Variants in SND1 observed in about 807,000 individuals in gnomAD.
SND1 encodes staphylococcal nuclease and tudor domain containing 1, also known as staphylococcal nuclease domain-containing protein 1.
A neutral mutation model predicts 121.7 loss-of-function variants in SND1; 38 were observed. The observed-to-expected ratio is 0.31, with a 90% CI of 0.24 to 0.41. The LOEUF (loss-of-function observed/expected upper bound fraction) is 0.41. SND1 is among the 10% of genes least tolerant of loss of function. The pLI, the probability that SND1 is intolerant of heterozygous loss-of-function variation, is 1.00. For missense variants in SND1, 868 were observed against 1,184.6 expected (o/e 0.73, Z 3.92); for synonymous variants, 401 against 447.4 (o/e 0.90, Z 1.31).
At chr7:127,836,124 G>A (rs1046537089) in intron 11 of SND1, among the ~76,000 whole-genome samples, 16 of 152,092 alleles carry the variant, frequency 1.1e-4, no homozygotes, top group Non-Finnish European at 2.4e-4. Context: ...CTCCATGGAC[G>A]CCATATTCAG....
intron 10 of SND1, among the ~76,000 whole-genome samples, chr7:127,770,983 A>G (rs1402356566): frequency 6.6e-6 from 1 of 152,166 alleles, no homozygotes; most frequent in Non-Finnish European, 1.5e-5. Flanking sequence ...GAGTACACTG[A>G]TATCTCGTTG....
intron 15 of SND1, among the ~76,000 whole-genome samples, chr7:127,987,954 T>C (rs1357737809): frequency 6.6e-6 from 1 of 151,662 alleles, no homozygotes; most frequent in East Asian, 1.9e-4. Context: ...CAAAAGGTAA[T>C]ATCAAGATGG....
At chr7:127,825,375 C>T (rs1228806289) in intron 11 of SND1, among the ~76,000 whole-genome samples, 1 of 150,684 alleles carries the variant, frequency 6.6e-6, no homozygotes, top group Non-Finnish European at 1.5e-5. Flanking sequence ...TCCCAAAGTG[C>T]TGGGGTGACA....
intron 18 of SND1, among the ~76,000 whole-genome samples, chr7:128,082,706 G>A (rs1342606644): frequency 6.6e-6 from 1 of 152,106 alleles, no homozygotes; most frequent in Non-Finnish European, 1.5e-5. Flanking sequence ...GTCTTGTAGT[G>A]GTGGTCTCAG....
chr7:128,082,710 G>T (rs1418789687), intron 18 of SND1, among the ~76,000 whole-genome samples: 1 of 152,136 alleles, frequency 6.6e-6, no homozygotes, highest in Non-Finnish European at 1.5e-5. Flanking sequence ...TGTAGTGGTG[G>T]TCTCAGTGGG....
chr7:127,920,396 G>C (rs1178271151), intron 14 of SND1, among the ~76,000 whole-genome samples: 2 of 152,172 alleles, frequency 1.3e-5, no homozygotes, highest in African/African-American at 4.8e-5. Context: ...AAGCCACCCT[G>C]CAGAGGTCGC....
intron 16 of SND1, among the ~76,000 whole-genome samples, chr7:128,065,843 G>A (rs1167462864): frequency 6.6e-6 from 1 of 152,224 alleles, no homozygotes; most frequent in Non-Finnish European, 1.5e-5. Flanking sequence ...GAGGAGCTGT[G>A]CCATTCAGGC....
chr7:127,915,996 ATGTGTGTGTG>A (rs57570326), intron 14 of SND1, among the ~76,000 whole-genome samples: 5,839 of 149,058 alleles, frequency 0.039, 170 homozygotes, highest in African/African-American at 0.084. Flanking sequence ...AGAACAGCAT[ATGTGTGTGTG>A]TGTGTGTGTG....
chr7:128,013,677 C>T (rs1009240084), intron 16 of SND1, among the ~76,000 whole-genome samples: 2 of 152,324 alleles, frequency 1.3e-5, no homozygotes, highest in South Asian at 2.1e-4. Context: ...AAGGAGCACA[C>T]AACCTAGATC....
chr7:127,803,676 G>A lies in SND1; in HGVS notation c.1153-3808G>A, dbSNP rs549056930. 7.4e-4 allele frequency among the ~76,000 whole-genome samples: 113 copies of A among 152,196 alleles called. 1 individual carries two copies. In the South Asian group the frequency reaches 0.023, roughly 31 times the overall value. Reference sequence around the variant, plus strand: ...TTTAAGAATGGGCTAGGTAAAATTAGGCCTGAATGGGGGTTGAGAATAAGG... The same window carrying A: ...TTTAAGAATGGGCTAGGTAAAATTAAGCCTGAATGGGGGTTGAGAATAAGG... On this transcript the variant is annotated intron_variant, in intron 10 of 23. Transcript: ENST00000354725.
At chr7:128,068,659 T>C (rs1793357721) in intron 16 of SND1, among the ~76,000 whole-genome samples, 1 of 152,102 alleles carries the variant, frequency 6.6e-6, no homozygotes, top group Non-Finnish European at 1.5e-5. Context: ...CCTTCCTCCA[T>C]GTTTGATTTC....
At chr7:127,858,203 T>C (rs1160863542) in intron 12 of SND1, 1 of 784,332 alleles carries the variant, frequency 1.3e-6, no homozygotes, top group Non-Finnish European at 2.3e-6. Flanking sequence ...CATGGCCAAC[T>C]GTTCCCTCGT....
intron 13 of SND1, among the ~76,000 whole-genome samples, chr7:127,889,710 C>G (rs542137955): frequency 3.0e-4 from 45 of 152,050 alleles, no homozygotes; most frequent in African/African-American, 9.9e-4. Flanking sequence ...CCTCTCTACT[C>G]TGTGTTTCCA....
intron 11 of SND1, among the ~76,000 whole-genome samples, chr7:127,820,700 C>G (rs1798532927): frequency 6.6e-6 from 1 of 152,006 alleles, no homozygotes; most frequent in Admixed American, 6.6e-5. Flanking sequence ...TCCTTTTTCC[C>G]CCTTTCCTTC....
intron 15 of SND1, among the ~76,000 whole-genome samples, chr7:127,986,931 T>C (rs1193789596): frequency 6.6e-6 from 1 of 152,264 alleles, no homozygotes; most frequent in African/African-American, 2.4e-5. Flanking sequence ...TTTGTGTTTA[T>C]TAAAACAAAA....
chr7:127,847,097 G>C (rs1054051066), intron 12 of SND1, among the ~76,000 whole-genome samples: 1 of 151,900 alleles, frequency 6.6e-6, no homozygotes, highest in Non-Finnish European at 1.5e-5. Flanking sequence ...GTGAAACCTC[G>C]TCTCTACTAA....
chr7:128,028,963 C>T, intron 16 of SND1: 1 of 1,608,608 alleles, frequency 6.2e-7, no homozygotes, highest in Non-Finnish European at 8.5e-7. Context: ...GCGGCTGTGA[C>T]TGTACTCCGC....
chr7:128,075,748 A>C (rs1328198366), intron 17 of SND1, among the ~76,000 whole-genome samples: 6 of 152,218 alleles, frequency 3.9e-5, no homozygotes, highest in African/African-American at 1.4e-4. Context: ...AGTGCCCTGC[A>C]GGAGGCAGCC....
At chr7:127,697,312 G>A (rs1796021509) in intron 3 of SND1, among the ~76,000 whole-genome samples, 1 of 151,902 alleles carries the variant, frequency 6.6e-6, no homozygotes, top group African/African-American at 2.4e-5. Context: ...CACCCCAGGG[G>A]AAGATACTTT....
Sources: allele counts gnomAD v4.1 joint callset (sites outside exome capture counted in the v4.1 genomes callset), GRCh38; gene constraint gnomAD v4.1.1; transcripts MANE v1.5; gene names NCBI Gene and HGNC (gene_info 2026-07-23, HGNC 2026-07-21).